LRRC4C: variants seen among roughly 807,000 people sequenced by gnomAD.
LRRC4C encodes the protein leucine-rich repeat-containing protein 4C.
A neutral mutation model predicts 33.6 loss-of-function variants in LRRC4C; 5 were observed. The ratio of observed to expected loss-of-function variants is 0.15; its 90% confidence interval spans 0.08 to 0.31. LRRC4C has a LOEUF of 0.31. Ranked by LOEUF, LRRC4C falls within the 10% of genes least tolerant of loss-of-function variation. LRRC4C has a pLI of 1.00. For missense variants in LRRC4C, 560 were observed against 796.7 expected (o/e 0.70, Z 3.58); for synonymous variants, 329 against 302.0 (o/e 1.09, Z -0.93).
At chr11:41,421,072 C>T (rs1022830980) in intron 1 of LRRC4C, among the ~76,000 whole-genome samples, 45 of 151,954 alleles carry the variant, frequency 3.0e-4, no homozygotes, top group African/African-American at 1.1e-3. Context: ...CTCTGTGCCT[C>T]AGTTCCCTCA....
intron 3 of LRRC4C, among the ~76,000 whole-genome samples, chr11:40,470,954 A>G (rs1952900730): frequency 6.6e-6 from 1 of 152,208 alleles, no homozygotes; most frequent in South Asian, 2.1e-4. Context: ...AAGTTGGAAA[A>G]CACTCTTCAG....
intron 4 of LRRC4C, among the ~76,000 whole-genome samples, chr11:40,308,146 T>C (rs568023710): frequency 1.3e-4 from 20 of 152,254 alleles, no homozygotes; most frequent in African/African-American, 4.8e-4. Context: ...ATACTGAACC[T>C]TTTTTCCCCC....
intron 2 of LRRC4C, among the ~76,000 whole-genome samples, chr11:40,780,206 T>A (rs1950163046): frequency 6.6e-6 from 1 of 152,174 alleles, no homozygotes; most frequent in Admixed American, 6.6e-5. Flanking sequence ...CATAAAAAAA[T>A]TCTTTTTAAT....
intron 2 of LRRC4C, among the ~76,000 whole-genome samples, chr11:40,725,231 G>A (rs980772470): frequency 6.6e-6 from 1 of 152,212 alleles, no homozygotes; most frequent in African/African-American, 2.4e-5. Context: ...TGGAGGCCGG[G>A]TGCAGTGGCT....
chr11:40,639,762 A>G (rs1296322971), intron 3 of LRRC4C, among the ~76,000 whole-genome samples: 2 of 152,174 alleles, frequency 1.3e-5, no homozygotes, highest in Non-Finnish European at 2.9e-5. Context: ...CAACATGAAT[A>G]TGGAGTTAAA....
At chr11:41,298,828 T>C (rs1034858169) in intron 1 of LRRC4C, among the ~76,000 whole-genome samples, 4 of 152,140 alleles carry the variant, frequency 2.6e-5, no homozygotes, top group Non-Finnish European at 5.9e-5. Context: ...CAGTGACTAT[T>C]GTTTTACACT....
chr11:41,118,127 C>T (rs1298249152), intron 1 of LRRC4C, among the ~76,000 whole-genome samples: 2 of 152,040 alleles, frequency 1.3e-5, no homozygotes, highest in African/African-American at 4.8e-5. Context: ...ATTCTCAAAA[C>T]CTAAAGAATT....
chr11:40,664,374 A>C (rs1943604776), intron 2 of LRRC4C, among the ~76,000 whole-genome samples: 1 of 152,068 alleles, frequency 6.6e-6, no homozygotes, highest in Non-Finnish European at 1.5e-5. Context: ...GCAAAACTTC[A>C]TCTGTACTAA....
chr11:40,950,662 GAAC>G (rs367642461), intron 1 of LRRC4C, among the ~76,000 whole-genome samples: 3 of 151,880 alleles, frequency 2.0e-5, no homozygotes, highest in Admixed American at 6.6e-5. Flanking sequence ...GAGAAAAATA[GAAC>G]AATACAAAAA....
chr11:40,310,339 A>G (rs1463203391), intron 4 of LRRC4C, among the ~76,000 whole-genome samples: 1 of 152,098 alleles, frequency 6.6e-6, no homozygotes, highest in Non-Finnish European at 1.5e-5. Context: ...ATGAATCAGA[A>G]CCCCAAAGTA....
chr11:40,352,650 T>C (rs199966220), intron 3 of LRRC4C, among the ~76,000 whole-genome samples: 2 of 151,556 alleles, frequency 1.3e-5, no homozygotes, highest in Non-Finnish European at 2.9e-5. Context: ...TATTCTGTGT[T>C]TGTGAACTTA....
chr11:40,283,723 A>T (rs1325915706), intron 4 of LRRC4C, among the ~76,000 whole-genome samples: 83 of 82,970 alleles, frequency 1.0e-3, no homozygotes, highest in African/African-American at 3.6e-3. Context: ...TTTTTTTTTG[A>T]GACGGAGTTT....
At chr11:40,260,363 A>G (rs1341217782) in intron 4 of LRRC4C, among the ~76,000 whole-genome samples, 1 of 146,008 alleles carries the variant, frequency 6.8e-6, no homozygotes, top group Non-Finnish European at 1.5e-5. Context: ...ATGAGAACAC[A>G]TGGACACAGG....
Position 40,123,031 on chromosome 11 carries a change from T to G in LRRC4C, c.-42-6697A>C, listed in dbSNP as rs1192400147. On this transcript the variant is annotated intron_variant, in intron 6 of 6. Coordinates refer to ENST00000528697, the MANE Select transcript of LRRC4C (RefSeq NM_001258419.2). ...TTTTGGGAGAGACTGACCCCAGTAC[T>G]TAAGGGTGAATAGAGTTTCATTTAA... Among the ~76,000 whole-genome samples the G allele has an allele frequency of 6.0e-5, 9 of 149,532 alleles. No individual in the cohort carries two copies. The South Asian group carries it at 1.7e-3, about 28-fold the overall frequency.
At chr11:40,562,478 T>G (rs1181519776) in intron 3 of LRRC4C, among the ~76,000 whole-genome samples, 1 of 152,152 alleles carries the variant, frequency 6.6e-6, no homozygotes. Flanking sequence ...TTATGTTAAA[T>G]CATTAAGACC....
intron 3 of LRRC4C, among the ~76,000 whole-genome samples, chr11:40,389,839 A>G (rs1431246892): frequency 6.6e-6 from 1 of 152,218 alleles, no homozygotes; most frequent in African/African-American, 2.4e-5. Flanking sequence ...TAGGAGGAAG[A>G]TAAGTCACCA....
chr11:41,057,877 GA>G (rs1858749279), intron 1 of LRRC4C, among the ~76,000 whole-genome samples: 1 of 152,134 alleles, frequency 6.6e-6, no homozygotes, highest in Admixed American at 6.5e-5. Flanking sequence ...TAGCCGAGAG[GA>G]GCTACCCTCT....
At chr11:40,714,525 A>T (rs190184497) in intron 2 of LRRC4C, among the ~76,000 whole-genome samples, 1 of 152,328 alleles carries the variant, frequency 6.6e-6, no homozygotes, top group Non-Finnish European at 1.5e-5. Flanking sequence ...ACAAAGAAAA[A>T]GCTATTTGAT....
At chr11:40,158,829 T>A (rs919106908) in intron 5 of LRRC4C, among the ~76,000 whole-genome samples, 1 of 152,206 alleles carries the variant, frequency 6.6e-6, no homozygotes, top group African/African-American at 2.4e-5. Flanking sequence ...TGAATGCTAC[T>A]GTCTTCATCA....
Sources: allele counts gnomAD v4.1 joint callset (sites outside exome capture counted in the v4.1 genomes callset), GRCh38; gene constraint gnomAD v4.1.1; transcripts MANE v1.5; gene names NCBI Gene and HGNC (gene_info 2026-07-23, HGNC 2026-07-21).